The following IGSF10 variants were observed in gnomAD, a reference collection of about 807,000 sequenced individuals.
The protein encoded by IGSF10 is immunoglobulin superfamily member 10, also known as calvaria mechanical force protein 608.
In IGSF10, 126 loss-of-function variants were observed where a neutral mutation model predicts 128.2. The observed-to-expected ratio is 0.98, with a 90% CI of 0.85 to 1.14. IGSF10 has a LOEUF of 1.14. Ranked by LOEUF, IGSF10 falls within the 50% of genes most tolerant of loss-of-function variation. IGSF10 has a pLI of 0.00. For synonymous variants in IGSF10, 1,185 were observed against 1,146.2 expected (o/e 1.03, Z -0.68); for missense variants, 3,295 against 3,149.8 (o/e 1.05, Z -1.10).
the IGSF10 span, among the ~76,000 whole-genome samples, chr3:151,586,874 G>GA: frequency 4.0e-5 from 6 of 151,770 alleles, no homozygotes; most frequent in African/African-American, 1.2e-4. Context: ...GAGAGGGGGG[G>GA]AAAACACAAA....
the IGSF10 span, among the ~76,000 whole-genome samples, chr3:151,558,342 G>A: frequency 4.0e-5 from 6 of 151,702 alleles, no homozygotes; most frequent in African/African-American, 1.5e-4. Flanking sequence ...TCACACTCTC[G>A]CTTCAGGTTG....
At chr3:151,532,948 T>C in the IGSF10 span, among the ~76,000 whole-genome samples, 2 of 152,228 alleles carry the variant, frequency 1.3e-5, no homozygotes, top group East Asian at 3.8e-4. Flanking sequence ...CAAAATCTCC[T>C]TAAGCTGATA....
chr3:151,516,849 G>A, the IGSF10 span, among the ~76,000 whole-genome samples: 2 of 152,128 alleles, frequency 1.3e-5, no homozygotes, highest in Admixed American at 6.6e-5. Context: ...TAAGCAATGA[G>A]TACAGTTGTC....
downstream of IGSF10, chr3:151,432,652 G>A: frequency 1.2e-6 from 1 of 857,098 alleles, no homozygotes; most frequent in Non-Finnish European, 1.9e-6. Flanking sequence ...CTGTTTCCCT[G>A]TACCTGCAGC....
Position 151,447,643 on chromosome 3 carries a change from G to A in IGSF10, c.2338C>T (p.Pro780Ser), listed in dbSNP as rs1043973948. Residue 780 changes from proline (P) to serine (S), a missense_variant, in exon 6 of 8, where the codon CCC (proline) becomes TCC (serine). Coordinates refer to ENST00000282466, the MANE Select transcript of IGSF10 (RefSeq NM_178822.5). ...DKRENTTVSP[P>S]PVVTQLPNIP... ...TTTGGGAGTTGGGTGACCACTGGGG[G>A]TGGGCTCACTGTGGTATTTTCTCGC... is the stretch of plus-strand genomic sequence containing the variant. 6.2e-7 allele frequency: 1 copy of A among 1,614,136 alleles called. No homozygotes were observed. Among genetic ancestry groups the A allele is most frequent in the East Asian group, 2.2e-5 (1 of 44,878 alleles).
chr3:151,473,434 C>T, the IGSF10 span, among the ~76,000 whole-genome samples: 7 of 152,102 alleles, frequency 4.6e-5, no homozygotes, highest in African/African-American at 1.7e-4. Context: ...TTGATCATTG[C>T]CAATTATAAA....
chr3:151,455,163 T>G (rs1354398240), intron 4 of IGSF10, among the ~76,000 whole-genome samples: 1 of 146,170 alleles, frequency 6.8e-6, no homozygotes, highest in Non-Finnish European at 1.5e-5. Flanking sequence ...CAGGCTGGAG[T>G]GCAATGGAGT....
chr3:151,610,995 A>G, the IGSF10 span, among the ~76,000 whole-genome samples: 1 of 152,238 alleles, frequency 6.6e-6, no homozygotes, highest in African/African-American at 2.4e-5. Context: ...ACCAAGGTTT[A>G]GTTGACTGGG....
chr3:151,525,796 C>T, the IGSF10 span, among the ~76,000 whole-genome samples: 2 of 152,164 alleles, frequency 1.3e-5, no homozygotes, highest in African/African-American at 4.8e-5. Context: ...ATTGGTCAGG[C>T]CCACCAGGGA....
At chr3:151,498,643 A>T in the IGSF10 span, among the ~76,000 whole-genome samples, 2 of 152,186 alleles carry the variant, frequency 1.3e-5, no homozygotes, top group Admixed American at 6.6e-5. Flanking sequence ...GTAATGGGAC[A>T]TGTTAGATAA....
chr3:151,513,318 A>C, the IGSF10 span, among the ~76,000 whole-genome samples: 1 of 151,952 alleles, frequency 6.6e-6, no homozygotes, highest in African/African-American at 2.4e-5. Flanking sequence ...AACATACAAA[A>C]AAAAAAATCA....
chr3:151,574,933 C>T, the IGSF10 span, among the ~76,000 whole-genome samples: 3 of 152,124 alleles, frequency 2.0e-5, no homozygotes, highest in Non-Finnish European at 4.4e-5. Context: ...GATGTTGATG[C>T]TATTCCTTTC....
At chr3:151,567,557 C>T in the IGSF10 span, among the ~76,000 whole-genome samples, 16 of 152,156 alleles carry the variant, frequency 1.1e-4, no homozygotes, top group Non-Finnish European at 2.1e-4. Context: ...TTAGTTAATT[C>T]CTGCAGATAT....
the IGSF10 span, chr3:151,499,657 G>A: frequency 2.4e-3 from 358 of 152,268 alleles, 2 homozygotes; most frequent in African/African-American, 8.2e-3. Context: ...GACCCCACCA[G>A]AGGACATTCT....
the IGSF10 span, among the ~76,000 whole-genome samples, chr3:151,518,830 G>C: frequency 6.6e-6 from 1 of 151,964 alleles, no homozygotes; most frequent in East Asian, 1.9e-4. Flanking sequence ...GTCAAAGAAG[G>C]AGACGTTCTA....
the IGSF10 span, among the ~76,000 whole-genome samples, chr3:151,533,600 T>A: frequency 6.6e-6 from 1 of 152,194 alleles, no homozygotes; most frequent in Non-Finnish European, 1.5e-5. Flanking sequence ...TGTCTAGCCA[T>A]ACGCAGAAAG....
chr3:151,557,368 CCA>C, the IGSF10 span, among the ~76,000 whole-genome samples: 5 of 152,068 alleles, frequency 3.3e-5, no homozygotes, highest in Admixed American at 1.3e-4. Flanking sequence ...GGTGCCAACT[CCA>C]GTCTTCCTTC....
chr3:151,542,844 T>C, the IGSF10 span, among the ~76,000 whole-genome samples: 1 of 152,216 alleles, frequency 6.6e-6, no homozygotes, highest in Non-Finnish European at 1.5e-5. Flanking sequence ...AAATCACATG[T>C]TTTTATTAAA....
the IGSF10 span, among the ~76,000 whole-genome samples, chr3:151,482,358 T>C: frequency 6.6e-6 from 1 of 152,120 alleles, no homozygotes; most frequent in African/African-American, 2.4e-5. Flanking sequence ...ACCGGTATCA[T>C]TAAAACAACC....
Sources: gnomAD v4.1 joint callset for allele counts (sites outside exome capture counted in the v4.1 genomes callset) on GRCh38, gnomAD v4.1.1 for gene constraint, MANE v1.5 for transcripts, NCBI Gene and HGNC (gene_info 2026-07-23, HGNC 2026-07-21) for gene names.